ILRUN: variants seen among roughly 807,000 people sequenced by gnomAD.
ILRUN encodes inflammation and lipid regulator with UBA-like and NBR1-like domains.
In ILRUN, 3 loss-of-function variants were observed where a neutral mutation model predicts 33.8. That is an observed-to-expected ratio of 0.09 (90% CI 0.04 to 0.23). The LOEUF (loss-of-function observed/expected upper bound fraction) is 0.23. Ranked by LOEUF, ILRUN falls within the 10% of genes least tolerant of loss-of-function variation. The pLI, the probability that ILRUN is intolerant of heterozygous loss-of-function variation, is 1.00. For missense variants in ILRUN, 210 were observed against 375.1 expected (o/e 0.56, Z 3.64); for synonymous variants, 124 against 138.9 (o/e 0.89, Z 0.75).
chr6:34,632,471 G>T (rs1762267941), intron 3 of ILRUN, among the ~76,000 whole-genome samples: 1 of 151,796 alleles, frequency 6.6e-6, no homozygotes, highest in Admixed American at 6.6e-5. Flanking sequence ...TTTATATTTG[G>T]ATGGCAGAAC....
chr6:34,681,180 T>C (rs1461735022), intron 1 of ILRUN, among the ~76,000 whole-genome samples: 1 of 152,136 alleles, frequency 6.6e-6, no homozygotes, highest in Non-Finnish European at 1.5e-5. Flanking sequence ...GCTGACCTCT[T>C]ATGAATCACT....
chr6:34,661,432 G>A (rs566661184), intron 1 of ILRUN, among the ~76,000 whole-genome samples: 32 of 152,250 alleles, frequency 2.1e-4, no homozygotes, highest in African/African-American at 7.7e-4. Flanking sequence ...TGTAAGGGCT[G>A]GGCACGGTGG....
chr6:34,626,012 G>A lies in ILRUN; in HGVS notation c.512-19108C>T, dbSNP rs555584239. ...ACTACAGGCACCCGCCACCACGCCC[G>A]GCTAATTTTTTGTATTTTTAGTAGG... On this transcript the variant is annotated intron_variant, in intron 3 of 4. Coordinates refer to ENST00000374023, the MANE Select transcript of ILRUN (RefSeq NM_024294.4). Among the ~76,000 whole-genome samples, 303 of 151,900 alleles carry A rather than the reference G, an allele frequency of 2.0e-3. 5 individuals are homozygous for A. The highest frequency in any genetic ancestry group is 1.6e-3 in the East Asian group (8 of 5,142).
rs57423564 is a variant in ILRUN at position 34,662,124 on chromosome 6, C to CAAAA, written c.159-7349_159-7346dup. Among the ~76,000 whole-genome samples, 67 of 39,994 alleles carry CAAAA rather than the reference C, an allele frequency of 1.7e-3. 4 individuals are homozygous for CAAAA. The highest frequency in any genetic ancestry group is 3.7e-3 in the South Asian group (3 of 810). 26.2% of individuals were successfully genotyped at this position (39,994 alleles called of 152,430 possible). On this transcript the variant is annotated intron_variant, in intron 1 of 4. Coordinates refer to ENST00000374023, the MANE Select transcript of ILRUN (RefSeq NM_024294.4). ...TGGGCGACAGAGCGAGACTCCGTCT[C>CAAAA]AAAAAAAAAAAAAAAAAAAAAAAAA...
chr6:34,682,254 T>G (rs1035433333), intron 1 of ILRUN, among the ~76,000 whole-genome samples: 13 of 91,020 alleles, frequency 1.4e-4, no homozygotes, highest in Non-Finnish European at 2.7e-4. Flanking sequence ...AACCTCTGTT[T>G]TTTTTTTTTT....
intron 1 of ILRUN, among the ~76,000 whole-genome samples, chr6:34,660,925 T>C: frequency 6.6e-6 from 1 of 152,230 alleles, no homozygotes; most frequent in East Asian, 1.9e-4. Context: ...AGATACTCTT[T>C]AATACGTGAA....
At chr6:34,641,924 C>T (rs190515653) in intron 3 of ILRUN, among the ~76,000 whole-genome samples, 43 of 152,256 alleles carry the variant, frequency 2.8e-4, no homozygotes, top group Non-Finnish European at 1.5e-5. Context: ...TGGATTTCAA[C>T]TTCTTTTTGC....
chr6:34,662,317 A>G (rs1173923597), intron 1 of ILRUN, among the ~76,000 whole-genome samples: 1 of 151,076 alleles, frequency 6.6e-6, no homozygotes, highest in African/African-American at 2.4e-5. Context: ...AAAAAAAAAA[A>G]AAAGAAAAAG....
chr6:34,590,560 C>T lies in ILRUN; in HGVS notation c.*5G>A. On this transcript the variant is annotated 3_prime_UTR_variant, in exon 5 of 5. Coordinates refer to ENST00000374023, the MANE Select transcript of ILRUN (RefSeq NM_024294.4). ...TTGTTAATTTTTCTTCTTGCTGACA[C>T]CCGTTTAAGACTGGCCGAAGGGGTA... The T allele has an allele frequency of 6.2e-7, 1 of 1,614,002 alleles. No individual in the cohort carries two copies. The highest frequency in any genetic ancestry group is 8.5e-7 in the Non-Finnish European group (1 of 1,179,890).
At chr6:34,603,818 CAA>C (rs985621039) in intron 4 of ILRUN, among the ~76,000 whole-genome samples, 13 of 152,158 alleles carry the variant, frequency 8.5e-5, no homozygotes, top group Non-Finnish European at 1.5e-4. Context: ...TTTTATTCCT[CAA>C]GTCTCCTAAT....
chr6:34,603,475 A>C (rs1020188326), intron 4 of ILRUN, among the ~76,000 whole-genome samples: 8 of 152,184 alleles, frequency 5.3e-5, no homozygotes, highest in Admixed American at 2.0e-4. Context: ...TCTACTAAAA[A>C]ATGCAGAAAA....
rs192462394 is a variant in ILRUN, at chr6:34,645,259, G to C, written c.511+1342C>G. Among the ~76,000 whole-genome samples the C allele has an allele frequency of 9.2e-5, 14 of 152,280 alleles. No individual in the cohort carries two copies. The East Asian group carries it at 2.7e-3, about 29-fold the overall frequency. ...GATCTCCAGGACACAGGATATAGTG[G>C]AACCAATAGGAATCAGTTTCTGATT... On this transcript the variant is annotated intron_variant, in intron 3 of 4. Transcript: ENST00000374023.
chr6:34,691,568 G>A (rs1763650513), intron 1 of ILRUN, among the ~76,000 whole-genome samples: 2 of 152,216 alleles, frequency 1.3e-5, no homozygotes, highest in Admixed American at 1.3e-4. Flanking sequence ...GCCAAGGTGG[G>A]TGGATCATTT....
At chr6:34,696,030 C>G (rs184733905) in intron 1 of ILRUN, among the ~76,000 whole-genome samples, 1 of 152,234 alleles carries the variant, frequency 6.6e-6, no homozygotes, top group Admixed American at 6.5e-5. Context: ...CAGCCCCTCA[C>G]TCCAAACCCC....
chr6:34,640,041 G>C (rs1238954766), intron 3 of ILRUN, among the ~76,000 whole-genome samples: 1 of 152,000 alleles, frequency 6.6e-6, no homozygotes, highest in Non-Finnish European at 1.5e-5. Flanking sequence ...GTGGGAAGGG[G>C]TATCAAAATC....
At chr6:34,647,022 G>A (rs562078285) in intron 2 of ILRUN, among the ~76,000 whole-genome samples, 3 of 143,978 alleles carry the variant, frequency 2.1e-5, no homozygotes, top group African/African-American at 8.3e-5. Context: ...AGCACAAAAG[G>A]CAAAAGCAAG....
intron 4 of ILRUN, among the ~76,000 whole-genome samples, chr6:34,605,808 T>G (rs1313787163): frequency 6.6e-6 from 1 of 152,202 alleles, no homozygotes; most frequent in Non-Finnish European, 1.5e-5. Flanking sequence ...GGTAGGATGC[T>G]AGGCTTAATA....
intron 3 of ILRUN, among the ~76,000 whole-genome samples, chr6:34,609,889 T>C (rs187478346): frequency 6.6e-6 from 1 of 152,138 alleles, no homozygotes; most frequent in Non-Finnish European, 1.5e-5. Context: ...CCGGGTGTGG[T>C]GGCTCATGCC....
At chr6:34,591,228 C>T (rs1242658775) in intron 4 of ILRUN, among the ~76,000 whole-genome samples, 6 of 152,234 alleles carry the variant, frequency 3.9e-5, no homozygotes, top group South Asian at 2.1e-4. Flanking sequence ...TGGTGGCTCA[C>T]GCCTGTAATC....
Sources: gnomAD v4.1 joint callset for allele counts (sites outside exome capture counted in the v4.1 genomes callset) on GRCh38, gnomAD v4.1.1 for gene constraint, MANE v1.5 for transcripts, NCBI Gene and HGNC (gene_info 2026-07-23, HGNC 2026-07-21) for gene names.